PCDHA2: variants seen among roughly 807,000 people sequenced by gnomAD.
The protein encoded by PCDHA2 is protocadherin alpha-2.
PCDHA2 carries 58 observed loss-of-function variants against 66.0 expected under a neutral mutation model. The ratio of observed to expected loss-of-function variants is 0.88; its 90% confidence interval spans 0.71 to 1.09. The LOEUF (loss-of-function observed/expected upper bound fraction) is 1.09, where lower values mean the gene tolerates loss of function less well. Among genes scored for constraint, PCDHA2 ranks in the 50% least tolerant of loss-of-function variants. The probability of loss-of-function intolerance (pLI) is 0.00; values close to 1 mark genes in which losing one functional copy is unlikely to be tolerated. For missense variants in PCDHA2, 1,267 were observed against 1,242.3 expected (o/e 1.02, Z -0.30); for synonymous variants, 634 against 554.0 (o/e 1.14, Z -2.03).
rs143580970 is a variant in PCDHA2, at chr5:140,976,476, G to A, written c.2389-2473G>A. ...TGGGGAAGAAGAATTGCTTGAATCC[G>A]GGAGGCAGAGGTTGCAGGGAGCCAA... On this transcript the variant is annotated intron_variant, in intron 1 of 3. Transcript: ENST00000526136. 8.2e-3 allele frequency among the ~76,000 whole-genome samples: 1,253 copies of A among 152,132 alleles called. 22 individuals carry two copies. The highest frequency in any genetic ancestry group is 0.028 in the African/African-American group (1,179 of 41,504).
At chr5:140,854,204 A>G in intron 1 of PCDHA2, 1 of 510,702 alleles carries the variant, frequency 2.0e-6, no homozygotes, top group Non-Finnish European at 2.5e-6. Flanking sequence ...CCTACTTTTT[A>G]TTCAATATTG....
chr5:140,825,433 A>G (rs1554130246), intron 1 of PCDHA2: 1 of 147,668 alleles, frequency 6.8e-6, no homozygotes, highest in Non-Finnish European at 1.5e-5. Flanking sequence ...TAATAAATAT[A>G]TAATAATAAT....
chr5:140,807,569 G>A (rs952470653), intron 1 of PCDHA2: 5 of 1,614,178 alleles, frequency 3.1e-6, no homozygotes, highest in South Asian at 1.1e-5. Flanking sequence ...GGACATTAAC[G>A]ATAACCCGCC....
At chr5:140,886,680 G>A (rs1554182653) in intron 1 of PCDHA2, among the ~76,000 whole-genome samples, 1 of 151,946 alleles carries the variant, frequency 6.6e-6, no homozygotes, top group Non-Finnish European at 1.5e-5. Flanking sequence ...ACAAAAATTA[G>A]CGAGGCATGG....
chr5:140,816,987 C>G (rs1766040659), intron 1 of PCDHA2: 2 of 152,022 alleles, frequency 1.3e-5, no homozygotes, highest in Non-Finnish European at 2.9e-5. Context: ...AATTCAGGAA[C>G]TTTGGATGCA....
At chr5:140,888,443 A>C (rs1374471673) in intron 1 of PCDHA2, among the ~76,000 whole-genome samples, 2 of 152,172 alleles carry the variant, frequency 1.3e-5, no homozygotes, top group Non-Finnish European at 2.9e-5. Context: ...GCCGCCCAAC[A>C]ATAAAGAATT....
intron 1 of PCDHA2, among the ~76,000 whole-genome samples, chr5:140,902,026 A>G (rs1554190175): frequency 6.6e-6 from 1 of 152,114 alleles, no homozygotes; most frequent in Non-Finnish European, 1.5e-5. Flanking sequence ...TAGAAATACT[A>G]CTAATTTTTG....
In PCDHA2 at chr5:140,882,919, A is replaced by G. The variant is rs781879301; in HGVS notation, c.2388+85567A>G. 7.4e-6 allele frequency: 12 copies of G among 1,614,104 alleles called. No homozygotes were observed. In the East Asian group the frequency reaches 2.7e-4, roughly 36 times the overall value. The stretch of plus-strand genomic sequence containing the variant: ...GTTTATTACTGACAGCCAGTGATGG[A>G]GGTAAACCCGAGCTGACTGGCACAG... On this transcript the variant is annotated intron_variant, in intron 1 of 3. Coordinates refer to ENST00000526136, the MANE Select transcript of PCDHA2 (RefSeq NM_018905.3).
At chr5:140,808,402 C>T (rs782426671) in intron 1 of PCDHA2, 4 of 1,614,062 alleles carry the variant, frequency 2.5e-6, no homozygotes, top group Non-Finnish European at 3.4e-6. Context: ...AGAATTACTA[C>T]TCGTTGGTGC....
At chr5:140,877,599 C>A in intron 1 of PCDHA2, 1 of 1,613,882 alleles carries the variant, frequency 6.2e-7, no homozygotes, top group South Asian at 1.1e-5. Flanking sequence ...CGGTGTCCAG[C>A]CTGCTGGTGC....
At chr5:140,929,721 ATTTACT>A (rs1474734727) in intron 1 of PCDHA2, 3 of 222,378 alleles carry the variant, frequency 1.3e-5, no homozygotes, top group African/African-American at 4.6e-5. Flanking sequence ...AAGGTGAAAC[ATTTACT>A]TAAACTATTG....
chr5:140,882,501 A>G lies in PCDHA2; in HGVS notation c.2388+85149A>G, dbSNP rs782169319. On this transcript the variant is annotated intron_variant, in intron 1 of 3. Transcript: ENST00000526136. Reference sequence around the variant, plus strand: ...AGACACGGGGACCTTCTGGAGGTAAATCTGCAGAATGGCATTTTGTTTGTG... The same window carrying G: ...AGACACGGGGACCTTCTGGAGGTAAGTCTGCAGAATGGCATTTTGTTTGTG... 1 of 1,614,098 alleles carries G rather than the reference A, an allele frequency of 6.2e-7. No individual in the cohort carries two copies. Among genetic ancestry groups the G allele is most frequent in the Non-Finnish European group, 8.5e-7 (1 of 1,180,032 alleles).
chr5:140,869,517 A>AT, intron 1 of PCDHA2: 1 of 1,614,200 alleles, frequency 6.2e-7, no homozygotes, highest in East Asian at 2.2e-5. Flanking sequence ...TCAGAGAACA[A>AT]AAGCTGCTGA....
chr5:140,989,722 A>C (rs1472933877), intron 3 of PCDHA2, among the ~76,000 whole-genome samples: 1 of 152,224 alleles, frequency 6.6e-6, no homozygotes, highest in African/African-American at 2.4e-5. Context: ...TCAGCTTTGC[A>C]GTTGAAAAGG....
intron 1 of PCDHA2, chr5:140,876,435 C>T: frequency 6.2e-7 from 1 of 1,613,970 alleles, no homozygotes; most frequent in South Asian, 1.1e-5. Context: ...TTCAGGTTAA[C>T]GCCATTGATA....
chr5:140,841,547 G>T, intron 1 of PCDHA2: 1 of 1,613,802 alleles, frequency 6.2e-7, no homozygotes, highest in Non-Finnish European at 8.5e-7. Context: ...GGACCTTCTG[G>T]AGGTAAGTCT....
chr5:140,927,838 G>C, intron 1 of PCDHA2: 1 of 1,614,210 alleles, frequency 6.2e-7, no homozygotes, highest in Non-Finnish European at 8.5e-7. Context: ...GAGGGACGAA[G>C]GTGTCTTTGG....
At chr5:140,968,228 C>T in intron 1 of PCDHA2, 1 of 1,614,010 alleles carries the variant, frequency 6.2e-7, no homozygotes, top group East Asian at 2.2e-5. Flanking sequence ...AGGTGTGTTG[C>T]TCTGTACTGT....
intron 1 of PCDHA2, chr5:140,822,496 T>C (rs1315716170): frequency 1.8e-5 from 29 of 1,613,784 alleles, no homozygotes; most frequent in Non-Finnish European, 2.2e-5. Flanking sequence ...CGCCCCAGAA[T>C]TTGATAAATC....
Sources: allele counts gnomAD v4.1 joint callset (sites outside exome capture counted in the v4.1 genomes callset), GRCh38; gene constraint gnomAD v4.1.1; transcripts MANE v1.5; gene names NCBI Gene and HGNC (gene_info 2026-07-23, HGNC 2026-07-21).